RSRC1: variants seen among roughly 807,000 people sequenced by gnomAD.
The protein encoded by RSRC1 is arginine and serine rich coiled-coil 1.
Under a neutral mutation model 49.1 loss-of-function variants are expected in RSRC1, and 39 were observed. The observed-to-expected ratio is 0.79, with a 90% CI of 0.61 to 1.04. The LOEUF is 1.04. Ranked by LOEUF, RSRC1 falls within the 50% of genes least tolerant of loss-of-function variation. The pLI is 0.00. For synonymous variants in RSRC1, 143 were observed against 130.8 expected, an observed-to-expected ratio of 1.09 and a Z score of -0.63; for missense variants, 388 against 402.4, an observed-to-expected ratio of 0.96 and a Z score of 0.31.
At chr3:158,241,247 C>T (rs1436031578) in intron 4 of RSRC1, among the ~76,000 whole-genome samples, 3 of 151,720 alleles carry the variant, frequency 2.0e-5, no homozygotes, top group African/African-American at 7.3e-5. Context: ...CAGGAGTTCG[C>T]GACCAGCCTG....
chr3:158,354,074 G>A (rs560152947), intron 5 of RSRC1, among the ~76,000 whole-genome samples: 5 of 129,402 alleles, frequency 3.9e-5, no homozygotes, highest in Non-Finnish European at 7.7e-5. Context: ...TTGGCTCACT[G>A]CAACCTCCCA....
intron 4 of RSRC1, among the ~76,000 whole-genome samples, chr3:158,261,235 T>C (rs1004208355): frequency 6.6e-6 from 1 of 152,348 alleles, no homozygotes; most frequent in South Asian, 2.1e-4. Flanking sequence ...TAGCTGTGTA[T>C]GTGTGTTCTA....
At chr3:158,513,037 G>T (rs1353001818) in intron 7 of RSRC1, among the ~76,000 whole-genome samples, 73 of 136,584 alleles carry the variant, frequency 5.3e-4, no homozygotes, top group African/African-American at 2.0e-3. Context: ...GGGTTTTCTA[G>T]ATATACAATC....
At chr3:158,211,583 C>G (rs1478083646) in intron 4 of RSRC1, among the ~76,000 whole-genome samples, 2 of 151,950 alleles carry the variant, frequency 1.3e-5, no homozygotes, top group Non-Finnish European at 2.9e-5. Context: ...TATCTATAAT[C>G]TATGGAGTCT....
intron 6 of RSRC1, among the ~76,000 whole-genome samples, chr3:158,423,190 G>T (rs377209494): frequency 0.026 from 3,892 of 151,694 alleles, 51 homozygotes; most frequent in Non-Finnish European, 0.032. Flanking sequence ...GGTTTTCTTC[G>T]AGGGTTTTTA....
In RSRC1 at chr3:158,389,471, T is replaced by A. The variant is rs150877713; in HGVS notation, c.583+34563T>A. 1.3e-3 allele frequency among the ~76,000 whole-genome samples: 204 copies of A among 152,308 alleles called. 2 individuals are homozygous for A. The Middle Eastern group carries it at 0.014, about 10-fold the overall frequency. On this transcript the variant is annotated intron_variant, in intron 6 of 9. Coordinates refer to ENST00000611884, the MANE Select transcript of RSRC1 (RefSeq NM_001271838.2). ...TAACATTTTGAAATATCTATACATA[T>A]GTACCCACATGAATAAATGTAATAG... is the stretch of plus-strand genomic sequence containing the variant.
chr3:158,376,415 G>T (rs1472847043), intron 6 of RSRC1, among the ~76,000 whole-genome samples: 1 of 151,832 alleles, frequency 6.6e-6, no homozygotes, highest in Non-Finnish European at 1.5e-5. Context: ...GCCTGCCTCG[G>T]CCTCCCAAAG....
chr3:158,514,002 T>C (rs1167380831), intron 7 of RSRC1, among the ~76,000 whole-genome samples: 4 of 152,120 alleles, frequency 2.6e-5, no homozygotes. Context: ...ATTTGATTCT[T>C]CTCTTTTTTT....
rs753646197 is a variant in RSRC1, at chr3:158,275,692, A to T, written c.495-22347A>T. The T allele has an allele frequency of 1.0e-5, 4 of 397,338 alleles. No individual in the cohort carries two copies. The East Asian group carries it at 3.0e-4, about 30-fold the overall frequency. 24.6% of individuals were successfully genotyped at this position (397,338 alleles called of 1,614,324 possible). A position where few individuals can be genotyped will look rare whatever the true frequency, so the allele number is the denominator to read the frequency against. On this transcript the variant is annotated intron_variant, in intron 4 of 9. Coordinates refer to ENST00000611884, the MANE Select transcript of RSRC1 (RefSeq NM_001271838.2). ...AACATTATTGCACTTTAACTTTCTT[A>T]ATTTGATATTCATGAAATAATCTGC...
chr3:158,514,308 T>C (rs1421112189), intron 7 of RSRC1, among the ~76,000 whole-genome samples: 1 of 152,236 alleles, frequency 6.6e-6, no homozygotes, highest in Admixed American at 6.5e-5. Flanking sequence ...AAGATTGTGG[T>C]ATGTTGTGTC....
Position 158,377,658 on chromosome 3 carries a change from CT to C in RSRC1, c.583+22764del, listed in dbSNP as rs765720304. 3.5e-3 allele frequency among the ~76,000 whole-genome samples: 510 copies of C among 144,028 alleles called. 1 individual carries two copies. Among genetic ancestry groups the C allele is most frequent in the Middle Eastern group, 7.3e-3 (2 of 274 alleles). 94.5% of individuals were successfully genotyped at this position (144,028 alleles called of 152,430 possible). On this transcript the variant is annotated intron_variant, in intron 6 of 9. Coordinates refer to ENST00000611884, the MANE Select transcript of RSRC1 (RefSeq NM_001271838.2). ...ACAAATTACCCAGTCTCCGATATTC[CT>C]TTTTTTTTTTTTTCTTCTGAGACAG...
intron 3 of RSRC1, among the ~76,000 whole-genome samples, chr3:158,187,633 A>G (rs955892084): frequency 5.3e-5 from 8 of 152,072 alleles, no homozygotes; most frequent in Admixed American, 5.3e-4. Context: ...TGGTAAGGAC[A>G]GTCGATCCTG....
At chr3:158,299,498 A>G (rs975565227) in intron 5 of RSRC1, among the ~76,000 whole-genome samples, 1 of 151,242 alleles carries the variant, frequency 6.6e-6, no homozygotes, top group Non-Finnish European at 1.5e-5. Flanking sequence ...ACACTCAGCT[A>G]TTTTTTTGTG....
intron 4 of RSRC1, among the ~76,000 whole-genome samples, chr3:158,251,126 G>A (rs140273918): frequency 2.0e-4 from 31 of 152,138 alleles, no homozygotes; most frequent in East Asian, 7.7e-4. Context: ...AAATGAGTTC[G>A]CTGTAGGTGT....
At chr3:158,500,262 T>G (rs1739530932) in intron 7 of RSRC1, among the ~76,000 whole-genome samples, 1 of 152,200 alleles carries the variant, frequency 6.6e-6, no homozygotes, top group Admixed American at 6.5e-5. Flanking sequence ...TTGGATTCAG[T>G]GAGCTGGTAT....
At chr3:158,388,155 AAT>A (rs548143131) in intron 6 of RSRC1, among the ~76,000 whole-genome samples, 1 of 151,524 alleles carries the variant, frequency 6.6e-6, no homozygotes, top group African/African-American at 2.4e-5. Flanking sequence ...TATTCATTTG[AAT>A]ATATATATAT....
intron 7 of RSRC1, among the ~76,000 whole-genome samples, chr3:158,529,676 T>A (rs1482384390): frequency 6.6e-6 from 1 of 151,952 alleles, no homozygotes; most frequent in African/African-American, 2.4e-5. Context: ...TTTCTATGAC[T>A]TTCCCCACTG....
intron 4 of RSRC1, among the ~76,000 whole-genome samples, chr3:158,296,308 G>A (rs773276544): frequency 2.0e-5 from 3 of 151,884 alleles, no homozygotes; most frequent in African/African-American, 4.8e-5. Flanking sequence ...AACAAACATA[G>A]AAGGGAGAAA....
At chr3:158,342,094 T>C (rs1218593272) in intron 5 of RSRC1, among the ~76,000 whole-genome samples, 1 of 152,216 alleles carries the variant, frequency 6.6e-6, no homozygotes, top group Non-Finnish European at 1.5e-5. Flanking sequence ...TTTTACAGGC[T>C]TATAGGCGGA....
Sources: allele counts gnomAD v4.1 joint callset (sites outside exome capture counted in the v4.1 genomes callset), GRCh38; gene constraint gnomAD v4.1.1; transcripts MANE v1.5; gene names NCBI Gene and HGNC (gene_info 2026-07-23, HGNC 2026-07-21).